Variants in ADGRL2 observed in about 807,000 individuals in gnomAD.
The protein encoded by ADGRL2 is calcium-independent alpha-latrotoxin receptor 2.
ADGRL2 carries 44 observed loss-of-function variants against 157.4 expected under a neutral mutation model. The observed-to-expected ratio is 0.28, with a 90% CI of 0.22 to 0.36. ADGRL2 has a LOEUF of 0.36. Ranked by LOEUF, ADGRL2 falls within the 10% of genes least tolerant of loss-of-function variation. ADGRL2 has a pLI of 1.00. For synonymous variants in ADGRL2, 585 were observed against 624.7 expected (o/e 0.94, Z 0.95); for missense variants, 1,510 against 1,768.9 (o/e 0.85, Z 2.63).
chr1:81,825,482 A>G lies in ADGRL2; in HGVS notation c.-100-11403A>G, dbSNP rs375163719. 1.3e-3 allele frequency among the ~76,000 whole-genome samples: 194 copies of G among 151,950 alleles called. 2 individuals are homozygous for G. The highest frequency in any genetic ancestry group is 4.6e-3 in the African/African-American group (189 of 41,490). ...CCCTGCCTCAGCCTCCCAAGTGGCT[A>G]AGATTGCAGGCATACGCCACCATGC... is the stretch of plus-strand genomic sequence containing the variant. On this transcript the variant is annotated intron_variant, in intron 1 of 23. Coordinates refer to ENST00000686636, the MANE Select transcript of ADGRL2 (RefSeq NM_001366006.2).
At chr1:81,879,847 T>C (rs1413587960) in intron 2 of ADGRL2, among the ~76,000 whole-genome samples, 1 of 152,012 alleles carries the variant, frequency 6.6e-6, no homozygotes, top group Non-Finnish European at 1.5e-5. Context: ...GCCAATGTGG[T>C]GAAACCCTGT....
At chr1:81,826,409 G>C (rs1464665398) in intron 1 of ADGRL2, among the ~76,000 whole-genome samples, 1 of 147,236 alleles carries the variant, frequency 6.8e-6, no homozygotes, top group Non-Finnish European at 1.5e-5. Flanking sequence ...AATATTAACA[G>C]ATGTTGCACT....
At chr1:81,982,000 G>A (rs1296167338) in intron 19 of ADGRL2, 24 bp downstream of exon 19, 12 of 1,592,554 alleles carry the variant, frequency 7.5e-6, no homozygotes, top group South Asian at 1.1e-5. Context: ...AACACCTAGG[G>A]GCTCAGGTTA....
At chr1:81,383,858 G>A (rs2076387955) in intron 1 of ADGRL2, among the ~76,000 whole-genome samples, 1 of 147,692 alleles carries the variant, frequency 6.8e-6, no homozygotes, top group Admixed American at 6.8e-5. Flanking sequence ...GGAGGCTGAG[G>A]CAGGAGAATC....
At chr1:81,511,822 T>C (rs568132970) in intron 2 of ADGRL2, among the ~76,000 whole-genome samples, 2 of 152,278 alleles carry the variant, frequency 1.3e-5, no homozygotes, top group African/African-American at 4.8e-5. Flanking sequence ...TAAACACTTA[T>C]GAAGTGTCAA....
chr1:81,933,589 T>C (rs2095266535), intron 3 of ADGRL2, among the ~76,000 whole-genome samples: 1 of 152,200 alleles, frequency 6.6e-6, no homozygotes, highest in Admixed American at 6.5e-5. Context: ...ATTGCTTTCT[T>C]TCTGGATCTT....
At chr1:81,551,308 C>A (rs1410558242) in intron 2 of ADGRL2, among the ~76,000 whole-genome samples, 1 of 151,640 alleles carries the variant, frequency 6.6e-6, no homozygotes, top group Admixed American at 6.6e-5. Context: ...ATCTGTGTAT[C>A]CAACAGGCCA....
chr1:81,547,170 C>G (rs1455178070), intron 2 of ADGRL2, among the ~76,000 whole-genome samples: 1 of 152,162 alleles, frequency 6.6e-6, no homozygotes, highest in Non-Finnish European at 1.5e-5. Context: ...TCACAGGACA[C>G]TCAGAAAAGC....
At chr1:81,383,233 T>C (rs756399985) in intron 1 of ADGRL2, among the ~76,000 whole-genome samples, 3 of 152,216 alleles carry the variant, frequency 2.0e-5, no homozygotes, top group Non-Finnish European at 4.4e-5. Flanking sequence ...ATATTTCTTT[T>C]AAACTGATTT....
chr1:81,991,482 T>C lies in ADGRL2; in HGVS notation c.*337T>C, dbSNP rs559589789. On this transcript the variant is annotated 3_prime_UTR_variant, in exon 24 of 24. Coordinates refer to ENST00000686636, the MANE Select transcript of ADGRL2 (RefSeq NM_001366006.2). ...TACTGCAGCAGTCTGTGAACTAAAT[T>C]TGTAAATATGGCTGCACCATTTTTG... 5 of 190,354 alleles carry C rather than the reference T, an allele frequency of 2.6e-5. No individual in the cohort carries two copies. The East Asian group carries it at 6.0e-4, about 23-fold the overall frequency. 11.8% of individuals were successfully genotyped at this position (190,354 alleles called of 1,614,324 possible).
intron 2 of ADGRL2, among the ~76,000 whole-genome samples, chr1:81,546,373 G>A (rs2080018933): frequency 6.6e-6 from 1 of 152,076 alleles, no homozygotes; most frequent in Non-Finnish European, 1.5e-5. Context: ...TGAGGTTCTT[G>A]GGTAAAGGTT....
chr1:81,312,424 A>G (rs1016190125), intron 1 of ADGRL2, among the ~76,000 whole-genome samples: 1 of 152,182 alleles, frequency 6.6e-6, no homozygotes, highest in Non-Finnish European at 1.5e-5. Flanking sequence ...CAGGAGCAAA[A>G]CAGAAAAAGG....
chr1:81,606,773 T>TGTGC lies in ADGRL2; in HGVS notation c.-143+25794_-143+25795insTGCG, dbSNP rs1553129625. 6.2e-4 allele frequency among the ~76,000 whole-genome samples: 72 copies of TGTGC among 115,758 alleles called. 2 individuals carry two copies. Among genetic ancestry groups the TGTGC allele is most frequent in the Middle Eastern group, 4.9e-3 (1 of 206 alleles). The allele number at this position is 115,758 out of a possible 152,430, so 75.9% of individuals were successfully genotyped here. On this transcript the variant is annotated intron_variant, in intron 3 of 24. Transcript: ENST00000370721. ...GTGTGTGTGTGTGTGTGTGTGTGTG[T>TGTGC]GCGCACGCGTGTGTGTGTGTTTATG...
At chr1:81,374,475 G>C (rs2076213004) in intron 1 of ADGRL2, among the ~76,000 whole-genome samples, 1 of 151,382 alleles carries the variant, frequency 6.6e-6, no homozygotes, top group African/African-American at 2.4e-5. Flanking sequence ...AGGAGGCTGA[G>C]GTGAGAGAAT....
intron 2 of ADGRL2, among the ~76,000 whole-genome samples, chr1:81,491,887 T>A (rs959849931): frequency 6.6e-6 from 1 of 152,138 alleles, no homozygotes; most frequent in Non-Finnish European, 1.5e-5. Flanking sequence ...TCCAAAGTGA[T>A]GTGGCCATGA....
chr1:81,485,491 A>T (rs969860345), intron 2 of ADGRL2, among the ~76,000 whole-genome samples: 1 of 152,176 alleles, frequency 6.6e-6, no homozygotes, highest in African/African-American at 2.4e-5. Flanking sequence ...GAACAGCAAA[A>T]TATTTCTTTG....
At chr1:81,923,638 T>C (rs916299893) in intron 3 of ADGRL2, among the ~76,000 whole-genome samples, 5 of 152,152 alleles carry the variant, frequency 3.3e-5, no homozygotes, top group African/African-American at 1.2e-4. Flanking sequence ...AACTAGTGTA[T>C]ACCTGAAGAC....
rs573889999 is a variant in ADGRL2, at chr1:81,675,579, T to C, written c.-142-86232T>C. ...GCATTGGAAAAATAAACTGTTTTTT[T>C]TTTTTTTTCTTATTTTATTTGAGAC... On this transcript the variant is annotated intron_variant, in intron 3 of 24. Coordinates refer to the ADGRL2 transcript ENST00000370721. 2.3e-3 allele frequency among the ~76,000 whole-genome samples: 349 copies of C among 152,122 alleles called. 2 individuals are homozygous for C. Among genetic ancestry groups the C allele is most frequent in the African/African-American group, 8.0e-3 (331 of 41,520 alleles).
At chr1:81,981,083 T>G (rs1280183383) in intron 18 of ADGRL2, 1 of 441,092 alleles carries the variant, frequency 2.3e-6, no homozygotes, top group Admixed American at 3.6e-5. Flanking sequence ...TAATTCTGTC[T>G]AATAATTTTG....
Sources: allele counts gnomAD v4.1 joint callset (sites outside exome capture counted in the v4.1 genomes callset), GRCh38; gene constraint gnomAD v4.1.1; transcripts MANE v1.5; gene names NCBI Gene and HGNC (gene_info 2026-07-23, HGNC 2026-07-21).